Variants in NRXN3 observed in about 807,000 individuals in gnomAD.
NRXN3 encodes the protein neurexin III.
Under a neutral mutation model 137.6 loss-of-function variants are expected in NRXN3, and 32 were observed. That is an observed-to-expected ratio of 0.23 (90% CI 0.18 to 0.31). The LOEUF is 0.31. Ranked by LOEUF, NRXN3 falls within the 10% of genes least tolerant of loss-of-function variation. The probability of loss-of-function intolerance (pLI) is 1.00; values close to 1 mark genes in which losing one functional copy is unlikely to be tolerated. For synonymous variants in NRXN3, 798 were observed against 784.5 expected (o/e 1.02, Z -0.29); for missense variants, 1,574 against 2,062.5 (o/e 0.76, Z 4.59).
At chr14:79,670,084 G>A (rs928015448) in intron 17 of NRXN3, among the ~76,000 whole-genome samples, 9 of 151,968 alleles carry the variant, frequency 5.9e-5, no homozygotes, top group African/African-American at 2.2e-4. Context: ...TTATGTCCTA[G>A]GCACTGAAGG....
chr14:78,870,001 G>A (rs1298545299), intron 10 of NRXN3, among the ~76,000 whole-genome samples: 1 of 152,172 alleles, frequency 6.6e-6, no homozygotes, highest in African/African-American at 2.4e-5. Context: ...TGGGAATTCT[G>A]GCTAAACTGA....
At chr14:78,717,369 G>A (rs1031902622) in intron 8 of NRXN3, among the ~76,000 whole-genome samples, 2 of 152,120 alleles carry the variant, frequency 1.3e-5, no homozygotes, top group African/African-American at 2.4e-5. Flanking sequence ...ATTATTCTTG[G>A]TGCAGTGCAG....
intron 4 of NRXN3, among the ~76,000 whole-genome samples, chr14:78,407,309 ATTCC>A (rs2092548044): frequency 6.6e-6 from 1 of 152,060 alleles, no homozygotes. Context: ...ACATGTACTG[ATTCC>A]TGTTTGACTT....
intron 15 of NRXN3, among the ~76,000 whole-genome samples, chr14:79,365,781 C>G (rs1489240666): frequency 7.0e-6 from 1 of 143,610 alleles, no homozygotes; most frequent in Non-Finnish European, 1.5e-5. Context: ...CATCTCGAAT[C>G]GATATTGTTT....
intron 10 of NRXN3, among the ~76,000 whole-genome samples, chr14:78,929,700 G>T (rs945214218): frequency 1.3e-5 from 2 of 152,106 alleles, no homozygotes; most frequent in Non-Finnish European, 2.9e-5. Flanking sequence ...ATTCCTTTGG[G>T]TATATATCCA....
chr14:78,767,440 G>A (rs1031329952), intron 8 of NRXN3, among the ~76,000 whole-genome samples: 80 of 152,180 alleles, frequency 5.3e-4, no homozygotes, highest in African/African-American at 1.8e-3. Flanking sequence ...CTCAAGGGAG[G>A]GGAATCACAT....
chr14:78,662,925 C>T (rs984763880), intron 6 of NRXN3, among the ~76,000 whole-genome samples: 2 of 152,160 alleles, frequency 1.3e-5, no homozygotes, highest in Admixed American at 6.5e-5. Context: ...ATCATAGCAG[C>T]AACAATAAAG....
intron 4 of NRXN3, among the ~76,000 whole-genome samples, chr14:78,543,434 T>A (rs1474807919): frequency 2.0e-5 from 3 of 152,178 alleles, no homozygotes; most frequent in Non-Finnish European, 4.4e-5. Flanking sequence ...GTTGCAGAAG[T>A]GTTTTTGAGC....
chr14:78,933,660 G>C (rs2099328007), intron 10 of NRXN3, among the ~76,000 whole-genome samples: 1 of 152,058 alleles, frequency 6.6e-6, no homozygotes, highest in Non-Finnish European at 1.5e-5. Context: ...TAAATAGCTA[G>C]ATCTAACCAT....
intron 15 of NRXN3, among the ~76,000 whole-genome samples, chr14:79,359,553 C>T (rs1461998165): frequency 6.9e-5 from 10 of 145,756 alleles, no homozygotes; most frequent in Admixed American, 2.1e-4. Flanking sequence ...TCAGAGCAAA[C>T]ATCCGTAACA....
chr14:78,738,674 C>T (rs1363253794), intron 8 of NRXN3, among the ~76,000 whole-genome samples: 1 of 152,126 alleles, frequency 6.6e-6, no homozygotes, highest in Non-Finnish European at 1.5e-5. Flanking sequence ...AAGAAATATT[C>T]CCCACCCCAT....
rs561269146 is a variant in NRXN3, at chr14:79,806,719, G to GTT, written c.4093+1540_4093+1541dup. Among the ~76,000 whole-genome samples, 75 of 137,982 alleles carry GTT rather than the reference G, an allele frequency of 5.4e-4. 1 individual carries two copies. Among genetic ancestry groups the GTT allele is most frequent in the Middle Eastern group, 3.7e-3 (1 of 268 alleles). The allele number at this position is 137,982 out of a possible 152,430, so 90.5% of individuals were successfully genotyped here. ...TCTAGATTTGAGTCCTTCCTATTCT[G>GTT]TTTTTTTTTTTTAAGAAATTAGCTG... On this transcript the variant is annotated intron_variant, in intron 20 of 20. Transcript: ENST00000335750.
At chr14:79,475,078 T>C (rs928212986) in intron 16 of NRXN3, among the ~76,000 whole-genome samples, 2 of 152,106 alleles carry the variant, frequency 1.3e-5, no homozygotes, top group Non-Finnish European at 2.9e-5. Context: ...CTAATGGAGG[T>C]ACAGCCAGAC....
At chr14:78,723,350 G>A (rs934360735) in intron 8 of NRXN3, among the ~76,000 whole-genome samples, 8 of 152,206 alleles carry the variant, frequency 5.3e-5, no homozygotes, top group African/African-American at 1.7e-4. Context: ...TAAAAAAGGG[G>A]CAATGTCAAT....
chr14:78,792,773 T>C (rs1443710513), intron 8 of NRXN3, among the ~76,000 whole-genome samples: 1 of 152,152 alleles, frequency 6.6e-6, no homozygotes, highest in East Asian at 1.9e-4. Flanking sequence ...GTCTATAAAA[T>C]TGAGCATAAA....
At chr14:78,751,665 T>C (rs973511541) in intron 8 of NRXN3, among the ~76,000 whole-genome samples, 4 of 152,164 alleles carry the variant, frequency 2.6e-5, no homozygotes, top group Non-Finnish European at 4.4e-5. Context: ...CTTCCAGCAC[T>C]GCTGACTGCT....
At chr14:78,625,836 C>T (rs1479143324) in intron 4 of NRXN3, among the ~76,000 whole-genome samples, 1 of 152,184 alleles carries the variant, frequency 6.6e-6, no homozygotes, top group African/African-American at 2.4e-5. Context: ...CAAGGCAGTA[C>T]AGGGCAGTAG....
At chr14:79,213,083 G>A (rs1274453153) in intron 15 of NRXN3, among the ~76,000 whole-genome samples, 1 of 152,044 alleles carries the variant, frequency 6.6e-6, no homozygotes. Context: ...GTTCTGAAAA[G>A]ATACTATAAG....
intron 3 of NRXN3, among the ~76,000 whole-genome samples, chr14:78,297,046 A>G (rs1358853046): frequency 6.6e-6 from 1 of 152,208 alleles, no homozygotes; most frequent in Non-Finnish European, 1.5e-5. Context: ...TGCCTTCCAT[A>G]ATAATATAGC....
Sources: gnomAD v4.1 joint callset for allele counts (sites outside exome capture counted in the v4.1 genomes callset) on GRCh38, gnomAD v4.1.1 for gene constraint, MANE v1.5 for transcripts, NCBI Gene and HGNC (gene_info 2026-07-23, HGNC 2026-07-21) for gene names.